The following KANSL1 variants were observed in gnomAD, a reference collection of about 807,000 sequenced individuals.
The protein encoded by KANSL1 is KAT8 regulatory NSL complex subunit 1, also known as MLL1/MLL complex subunit KANSL1.
In KANSL1, 22 loss-of-function variants were observed where a neutral mutation model predicts 103.6. The ratio of observed to expected loss-of-function variants is 0.21; its 90% confidence interval spans 0.15 to 0.30. The LOEUF (loss-of-function observed/expected upper bound fraction) is 0.30, where lower values mean the gene tolerates loss of function less well. Among genes scored for constraint, KANSL1 ranks in the 10% least tolerant of loss-of-function variants. The probability of loss-of-function intolerance (pLI) is 1.00; values close to 1 mark genes in which losing one functional copy is unlikely to be tolerated. For missense variants in KANSL1, 1,337 were observed against 1,399.8 expected, an observed-to-expected ratio of 0.96 and a Z score of 0.72; for synonymous variants, 600 against 527.6, an observed-to-expected ratio of 1.14 and a Z score of -1.88.
chr17:46,047,255 G>A (rs1177671988), intron 7 of KANSL1, among the ~76,000 whole-genome samples: 1 of 152,188 alleles, frequency 6.6e-6, no homozygotes, highest in Non-Finnish European at 1.5e-5. Flanking sequence ...TGCAGAACAG[G>A]GGATTATAGT....
rs533972794 is a variant in KANSL1, at chr17:46,126,681, G to C, written c.1290-31980C>G. On this transcript the variant is annotated intron_variant, in intron 2 of 14. Transcript: ENST00000432791. ...TTTTAGGCCTAGGTCTTCCAGAACA[G>C]TTTCCTCCAAAACATACAGTGTAAT... 8.5e-5 allele frequency among the ~76,000 whole-genome samples: 13 copies of C among 152,190 alleles called. No homozygotes were observed. In the South Asian group the frequency reaches 2.7e-3, roughly 32 times the overall value.
At chr17:46,123,092 A>T (rs1050535962) in intron 2 of KANSL1, among the ~76,000 whole-genome samples, 46 of 152,370 alleles carry the variant, frequency 3.0e-4, no homozygotes, top group Middle Eastern at 3.4e-3. Flanking sequence ...AATTTTTTTT[A>T]GAGACGGGGC....
At chr17:46,155,793 T>C (rs997782741) in intron 2 of KANSL1, among the ~76,000 whole-genome samples, 10 of 152,066 alleles carry the variant, frequency 6.6e-5, no homozygotes, top group Non-Finnish European at 1.5e-5. Context: ...ACAGGCTAAG[T>C]GCAGTGGCTC....
chr17:46,139,011 AC>A, intron 2 of KANSL1, among the ~76,000 whole-genome samples: 1 of 152,356 alleles, frequency 6.6e-6, no homozygotes, highest in East Asian at 1.9e-4. Context: ...TATTACCATT[AC>A]AAATTTCTAA....
intron 4 of KANSL1, among the ~76,000 whole-genome samples, chr17:46,079,190 C>T (rs377016043): frequency 1.3e-5 from 2 of 152,192 alleles, no homozygotes; most frequent in South Asian, 2.1e-4. Flanking sequence ...TGAATTCAGT[C>T]TCCAGTTCTT....
intron 2 of KANSL1, among the ~76,000 whole-genome samples, chr17:46,124,202 C>T (rs1192447682): frequency 6.6e-6 from 1 of 152,160 alleles, no homozygotes; most frequent in African/African-American, 2.4e-5. Context: ...AGTTGGAGAC[C>T]AGCCTGGGCA....
In KANSL1 at chr17:46,100,464, G is replaced by A. The variant is rs1026465185; in HGVS notation, c.1290-5763C>T. On this transcript the variant is annotated intron_variant, in intron 2 of 14. Transcript: ENST00000432791. ...CTCCCCAAAAAAAAAAAAAAAAAGC[G>A]CCCTCTATAAACACACTTAAACCAT... is the stretch of plus-strand genomic sequence containing the variant. Among the ~76,000 whole-genome samples the A allele has an allele frequency of 4.5e-5, 6 of 133,316 alleles. No individual in the cohort carries two copies. In the South Asian group the frequency reaches 6.7e-4, roughly 15 times the overall value. 87.5% of individuals were successfully genotyped at this position (133,316 alleles called of 152,430 possible).
At chr17:46,109,354 C>G (rs1359972980) in intron 2 of KANSL1, among the ~76,000 whole-genome samples, 6 of 152,212 alleles carry the variant, frequency 3.9e-5, no homozygotes, top group Admixed American at 2.6e-4. Flanking sequence ...AAAATTCTCA[C>G]ATCTCAATTT....
chr17:46,066,826 T>A, intron 5 of KANSL1, 94 bp from the exon 6 acceptor site: 2 of 828,480 alleles, frequency 2.4e-6, no homozygotes, highest in Non-Finnish European at 3.7e-6. Flanking sequence ...CCTCTTATAC[T>A]AGTTCAACCT....
chr17:46,204,267 G>A (rs2696452), intron 1 of KANSL1, among the ~76,000 whole-genome samples: 18,446 of 149,742 alleles, frequency 0.12, 22 homozygotes, highest in Middle Eastern at 0.19. Flanking sequence ...GACCAGCCTG[G>A]CCAACATGAT....
chr17:46,185,692 TACACAC>T (rs58833932), intron 1 of KANSL1, among the ~76,000 whole-genome samples: 2,378 of 144,356 alleles, frequency 0.016, 28 homozygotes, highest in African/African-American at 0.032. Flanking sequence ...CACACATATA[TACACAC>T]ACACACACAC....
chr17:46,055,477 A>G (rs1206601066), intron 6 of KANSL1, among the ~76,000 whole-genome samples: 3 of 152,024 alleles, frequency 2.0e-5, no homozygotes, highest in African/African-American at 7.2e-5. Context: ...AAAAAAAAAA[A>G]AAGTGAAAAA....
chr17:46,153,055 A>C (rs2045209343), intron 2 of KANSL1: 1 of 152,300 alleles, frequency 6.6e-6, no homozygotes, highest in Admixed American at 6.5e-5. Context: ...TAAAGGGCTT[A>C]GGGAAGACAG....
intron 2 of KANSL1, among the ~76,000 whole-genome samples, chr17:46,152,620 T>C (rs2532300): frequency 0.14 from 21,832 of 151,212 alleles, 2,141 homozygotes; most frequent in Non-Finnish European, 0.22. Flanking sequence ...TTAGATCATG[T>C]CAAAAGGGTT....
chr17:46,088,569 C>T (rs2079253194), intron 3 of KANSL1: 1 of 152,194 alleles, frequency 6.6e-6, no homozygotes, highest in African/African-American at 2.4e-5. Flanking sequence ...GCTGTGTAAT[C>T]TCAAAGAGTA....
intron 6 of KANSL1, among the ~76,000 whole-genome samples, chr17:46,055,335 G>A (rs2077883271): frequency 6.6e-6 from 1 of 151,690 alleles, no homozygotes; most frequent in Admixed American, 6.6e-5. Flanking sequence ...CATGGTGGCG[G>A]GCGCCTGTAA....
intron 1 of KANSL1, among the ~76,000 whole-genome samples, chr17:46,188,235 A>G (rs1261999759): frequency 6.6e-6 from 1 of 152,166 alleles, no homozygotes; most frequent in African/African-American, 2.4e-5. Context: ...AGTACAGTGG[A>G]TATTTGTCTT....
chr17:46,088,309 ATC>A (rs2079242032), intron 3 of KANSL1: 2 of 152,336 alleles, frequency 1.3e-5, no homozygotes, highest in African/African-American at 4.8e-5. Flanking sequence ...TTCCCTATGC[ATC>A]TCAAGACAAA....
chr17:46,205,680 C>CAAAAAAAAAA (rs56154541), intron 1 of KANSL1, among the ~76,000 whole-genome samples: 6 of 93,080 alleles, frequency 6.4e-5, no homozygotes, highest in Admixed American at 1.2e-4. Context: ...GACACTGTCT[C>CAAAAAAAAAA]AAAAAAAAAA....
Sources: allele counts gnomAD v4.1 joint callset (sites outside exome capture counted in the v4.1 genomes callset), GRCh38; gene constraint gnomAD v4.1.1; transcripts MANE v1.5; gene names NCBI Gene and HGNC (gene_info 2026-07-23, HGNC 2026-07-21).